SMAD2: variants seen among roughly 807,000 people sequenced by gnomAD.
SMAD2 encodes the protein SMAD family member 2, also known as MAD homolog 2.
A neutral mutation model predicts 64.4 loss-of-function variants in SMAD2; 8 were observed. The observed-to-expected ratio is 0.12, with a 90% CI of 0.07 to 0.22. SMAD2 has a LOEUF of 0.22. Ranked by LOEUF, SMAD2 falls within the 10% of genes least tolerant of loss-of-function variation. SMAD2 has a pLI of 1.00. For synonymous variants in SMAD2, 203 were observed against 195.8 expected, an observed-to-expected ratio of 1.04 and a Z score of -0.31; for missense variants, 289 against 561.2, an observed-to-expected ratio of 0.51 and a Z score of 4.90.
At chr18:47,884,040 T>C (rs1039770073) in intron 2 of SMAD2, among the ~76,000 whole-genome samples, 12 of 152,074 alleles carry the variant, frequency 7.9e-5, no homozygotes, top group Admixed American at 5.2e-4. Flanking sequence ...CACAGCCCCA[T>C]TCCCTAATCA....
intron 1 of SMAD2, among the ~76,000 whole-genome samples, chr18:47,907,297 T>A (rs6507791): frequency 0.58 from 87,425 of 151,940 alleles, 25,500 homozygotes; most frequent in East Asian, 0.8. Flanking sequence ...AGAAAACAAA[T>A]AATTATAGTG....
chr18:47,882,139 G>GCCT (rs1021432329), intron 2 of SMAD2, among the ~76,000 whole-genome samples: 10 of 144,226 alleles, frequency 6.9e-5, no homozygotes, highest in Admixed American at 1.5e-4. Context: ...TACTGCGTTG[G>GCCT]CCTCCCAAAG....
At chr18:47,928,478 T>A (rs1469750032) in intron 1 of SMAD2, among the ~76,000 whole-genome samples, 1 of 152,212 alleles carries the variant, frequency 6.6e-6, no homozygotes, top group Non-Finnish European at 1.5e-5. Context: ...CATCTTGAAG[T>A]AGAATAGAAA....
Position 47,833,428 on chromosome 18 carries a change from C to A in SMAD2, c.*8399G>T, listed in dbSNP as rs563183555. ...AATAAAAATAAAAAAGGAACCACAT[C>A]GTACTTTTGACAATCATAGAACGAA... is the stretch of plus-strand genomic sequence containing the variant. On this transcript the variant is annotated 3_prime_UTR_variant, in exon 11 of 11. Coordinates refer to ENST00000262160, the MANE Select transcript of SMAD2 (RefSeq NM_005901.6). The A allele has an allele frequency of 4.0e-5, 9 of 226,378 alleles. No homozygotes were observed. The highest frequency in any genetic ancestry group is 1.8e-4 in the South Asian group (1 of 5,444). The allele number at this position is 226,378 out of a possible 1,614,324, so 14.0% of individuals were successfully genotyped here.
At chr18:47,899,475 G>A (rs2033588901) in intron 1 of SMAD2, among the ~76,000 whole-genome samples, 1 of 152,118 alleles carries the variant, frequency 6.6e-6, no homozygotes, top group Non-Finnish European at 1.5e-5. Context: ...GGAGAAAGGT[G>A]TCATGAATAC....
intron 4 of SMAD2, 81 bp downstream of exon 4, chr18:47,869,162 C>A: frequency 1.0e-6 from 1 of 969,070 alleles, no homozygotes; most frequent in Non-Finnish European, 1.6e-6. Context: ...CTAAAATTTT[C>A]CTGGGTCACA....
At chr18:47,913,545 A>T (rs565875023) in intron 1 of SMAD2, among the ~76,000 whole-genome samples, 1 of 152,344 alleles carries the variant, frequency 6.6e-6, no homozygotes, top group South Asian at 2.1e-4. Context: ...ATTATGTAAT[A>T]AAATAACATT....
At position 47,896,828 on chromosome 18, in the gene SMAD2, G is replaced by T; in HGVS notation, c.-53-19C>A. Reference sequence around the variant, plus strand: ...ATCGAACCTAGCAGAAATATTGAAAGGATGATGTAGAGACTACCTTGAACA... The same window carrying T: ...ATCGAACCTAGCAGAAATATTGAAATGATGATGTAGAGACTACCTTGAACA... On this transcript the variant is annotated intron_variant, in intron 1 of 10. Coordinates refer to ENST00000262160, the MANE Select transcript of SMAD2 (RefSeq NM_005901.6). The T allele has an allele frequency of 1.3e-6, 2 of 1,558,822 alleles. No homozygotes were observed. The highest frequency in any genetic ancestry group is 1.7e-6 in the Non-Finnish European group (2 of 1,152,888).
chr18:47,873,480 A>G (rs948772640), intron 2 of SMAD2, among the ~76,000 whole-genome samples: 2 of 152,334 alleles, frequency 1.3e-5, no homozygotes, highest in Middle Eastern at 3.4e-3. Context: ...AAAACAAATA[A>G]GTATGACCAG....
chr18:47,869,104 TACC>T (rs1297677120), intron 4 of SMAD2, 136 bp downstream of exon 4: 14 of 638,512 alleles, frequency 2.2e-5, no homozygotes, highest in Non-Finnish European at 3.5e-5. Context: ...AAATTTTAAT[TACC>T]ACCAAATAAT....
At chr18:47,861,070 T>G (rs1196176411) in intron 6 of SMAD2, among the ~76,000 whole-genome samples, 1 of 152,060 alleles carries the variant, frequency 6.6e-6, no homozygotes, top group African/African-American at 2.4e-5. Context: ...AAAGAAAAAC[T>G]GTCAGCCGGG....
intron 2 of SMAD2, among the ~76,000 whole-genome samples, chr18:47,870,840 C>A (rs540769705): frequency 6.6e-6 from 1 of 152,122 alleles, no homozygotes; most frequent in Non-Finnish European, 1.5e-5. Flanking sequence ...ACCTATAATG[C>A]CCTTACCACT....
intron 7 of SMAD2, among the ~76,000 whole-genome samples, chr18:47,849,374 G>A (rs971178502): frequency 1.3e-5 from 2 of 150,948 alleles, no homozygotes; most frequent in Admixed American, 6.6e-5. Context: ...TACTGCAAAA[G>A]AAAAAAACCT....
chr18:47,850,708 CTATATATATATT>C (rs2029879786), intron 7 of SMAD2, among the ~76,000 whole-genome samples: 2 of 11,056 alleles, frequency 1.8e-4, no homozygotes, highest in African/African-American at 7.5e-4. Context: ...ATATTATATA[CTATATATATATT>C]ATATATATTA....
chr18:47,930,824 G>A (rs2034988444), upstream of SMAD2: 1 of 148,180 alleles, frequency 6.7e-6, no homozygotes, highest in East Asian at 2.0e-4. Context: ...CGGGCTGCTG[G>A]CTGGCGAGCT....
At chr18:47,855,837 T>A (rs2144333548) in intron 6 of SMAD2, among the ~76,000 whole-genome samples, 1 of 152,186 alleles carries the variant, frequency 6.6e-6, no homozygotes, top group East Asian at 1.9e-4. Context: ...ACACCACCCA[T>A]CTCTCCTGGC....
chr18:47,860,963 C>G (rs1011760975), intron 6 of SMAD2, among the ~76,000 whole-genome samples: 6 of 152,050 alleles, frequency 3.9e-5, no homozygotes. Context: ...TTCCTATAAT[C>G]AGAACAATGC....
chr18:47,855,213 C>T (rs555383954), intron 6 of SMAD2, among the ~76,000 whole-genome samples: 1 of 152,184 alleles, frequency 6.6e-6, no homozygotes, highest in Non-Finnish European at 1.5e-5. Context: ...ACTTGAGGAC[C>T]TGTTGTACAT....
chr18:47,892,736 T>C (rs915832381), intron 2 of SMAD2, among the ~76,000 whole-genome samples: 1 of 152,102 alleles, frequency 6.6e-6, no homozygotes, highest in Non-Finnish European at 1.5e-5. Flanking sequence ...GTGGAAAAAA[T>C]GATACTGAAA....
Sources: allele counts gnomAD v4.1 joint callset (sites outside exome capture counted in the v4.1 genomes callset), GRCh38; gene constraint gnomAD v4.1.1; transcripts MANE v1.5; gene names NCBI Gene and HGNC (gene_info 2026-07-23, HGNC 2026-07-21).